RGS22: variants seen among roughly 807,000 people sequenced by gnomAD.
RGS22 encodes the protein regulator of G-protein signaling 22.
In RGS22, 148 loss-of-function variants were observed where a neutral mutation model predicts 172.9. That is an observed-to-expected ratio of 0.86 (90% confidence interval 0.75 to 0.98). RGS22 has a LOEUF of 0.98. Among genes scored for constraint, RGS22 ranks in the 50% least tolerant of loss-of-function variants. The pLI is 0.00. For missense variants in RGS22, 1,347 were observed against 1,440.8 expected (o/e 0.93, Z 1.05); for synonymous variants, 458 against 480.2 (o/e 0.95, Z 0.60).
At position 99,971,843 on chromosome 8, in the gene RGS22, C is replaced by G. The variant is rs1490584058; in HGVS notation, c.3519+6074G>C. Reference sequence around the variant, plus strand: ...TACTGCCCAAAGTAATTTATAGATTCAATTCTATTCCCATCAAGCTACCAT... The same window carrying G: ...TACTGCCCAAAGTAATTTATAGATTGAATTCTATTCCCATCAAGCTACCAT... On this transcript the variant is annotated intron_variant, in intron 23 of 27. Coordinates refer to ENST00000360863, the MANE Select transcript of RGS22 (RefSeq NM_015668.5). 2.0e-5 allele frequency among the ~76,000 whole-genome samples: 3 copies of G among 152,050 alleles called. No homozygotes were observed. The East Asian group carries it at 5.8e-4, about 29-fold the overall frequency.
At position 100,080,272 on chromosome 8, in the gene RGS22, T is replaced by G; in HGVS notation, c.201A>C (p.Gln67His). 6.2e-7 allele frequency: 1 copy of G among 1,613,970 alleles called. No homozygotes were observed. The highest frequency in any genetic ancestry group is 8.5e-7 in the Non-Finnish European group (1 of 1,179,876). The change falls in exon 4 of 28, where the codon CAA (glutamine) becomes CAC (histidine). Residue 67 changes from glutamine (Q) to histidine (H), a missense_variant. Transcript: ENST00000360863. ...ANDAPQFLEK[Q>H]LKKILQNQQP... Reference sequence around the variant, plus strand: ...GCTGGTTTTGTAGAATTTTTTTCAGTTGTTTTTCCAGAAATTGTGGAGCAT... The same window carrying G: ...GCTGGTTTTGTAGAATTTTTTTCAGGTGTTTTTCCAGAAATTGTGGAGCAT...
chr8:100,095,815 A>G (rs1438599205), intron 2 of RGS22, among the ~76,000 whole-genome samples: 1 of 152,236 alleles, frequency 6.6e-6, no homozygotes, highest in African/African-American at 2.4e-5. Context: ...GGTATTATCA[A>G]ATACATCAAA....
chr8:100,035,495 C>G (rs1819345735), intron 14 of RGS22, among the ~76,000 whole-genome samples: 1 of 152,162 alleles, frequency 6.6e-6, no homozygotes, highest in Non-Finnish European at 1.5e-5. Context: ...AATAGAAATG[C>G]TTTTACACTG....
At chr8:100,079,538 T>A (rs1197628871) in intron 4 of RGS22, among the ~76,000 whole-genome samples, 1 of 152,164 alleles carries the variant, frequency 6.6e-6, no homozygotes, top group Admixed American at 6.5e-5. Context: ...TCATTATTAT[T>A]TTCATTTCAT....
intron 14 of RGS22, among the ~76,000 whole-genome samples, chr8:100,020,275 G>A (rs1345505745): frequency 6.6e-6 from 1 of 151,992 alleles, no homozygotes; most frequent in Non-Finnish European, 1.5e-5. Context: ...CAGCCGCTAG[G>A]AAAAAGAGAT....
In RGS22 at chr8:100,016,978, CTTTTT is replaced by C. The variant is rs71274949; in HGVS notation, c.2167-8414_2167-8410del. On this transcript the variant is annotated intron_variant, in intron 14 of 27. Coordinates refer to ENST00000360863, the MANE Select transcript of RGS22 (RefSeq NM_015668.5). Reference sequence around the variant, plus strand: ...CCTACATCCCTGATTCCTTACCAGTCTTTTTTTTTTTTTTTTTTTTTTTTTTTTTT... The same window carrying C: ...CCTACATCCCTGATTCCTTACCAGTCTTTTTTTTTTTTTTTTTTTTTTTTT... Among the ~76,000 whole-genome samples the C allele has an allele frequency of 5.5e-3, 197 of 36,074 alleles. 1 individual carries two copies. The highest frequency in any genetic ancestry group is 0.011 in the African/African-American group (129 of 11,324). The allele number at this position is 36,074 out of a possible 152,430, so 23.7% of individuals were successfully genotyped here. A position where few individuals can be genotyped will look rare whatever the true frequency, so the allele number is the denominator to read the frequency against.
chr8:100,071,925 G>C (rs1021944170), intron 5 of RGS22, among the ~76,000 whole-genome samples: 1 of 152,148 alleles, frequency 6.6e-6, no homozygotes, highest in Non-Finnish European at 1.5e-5. Flanking sequence ...TGGCTGGTTG[G>C]AGAGGCTCAC....
chr8:99,978,068 A>T lies in RGS22; in HGVS notation c.3368T>A (p.Ile1123Asn). ...PYVFREAQMTIFGVLFKFWPQ... is the reference protein window; with the variant it reads ...PYVFREAQMTNFGVLFKFWPQ... Reference sequence around the variant, plus strand: ...CCAGAATTTAAACAGAACCCCAAAAATTGTCATCTGTATAAAAAAAAGTCT... The same window carrying T: ...CCAGAATTTAAACAGAACCCCAAAATTTGTCATCTGTATAAAAAAAAGTCT... Residue 1123 changes from isoleucine to asparagine, a missense_variant, in exon 23 of 28, where the codon ATT (isoleucine) becomes AAT (asparagine). Coordinates refer to ENST00000360863, the MANE Select transcript of RGS22 (RefSeq NM_015668.5). 6.6e-7 allele frequency: 1 copy of T among 1,510,904 alleles called. No individual in the cohort carries two copies. The highest frequency in any genetic ancestry group is 8.8e-7 in the Non-Finnish European group (1 of 1,139,910). The allele number at this position is 1,510,904 out of a possible 1,614,324, so 93.6% of individuals were successfully genotyped here. A position where few individuals can be genotyped will look rare whatever the true frequency, so the allele number is the denominator to read the frequency against.
chr8:100,010,120 T>C (rs1454457098), intron 14 of RGS22, among the ~76,000 whole-genome samples: 2 of 152,172 alleles, frequency 1.3e-5, no homozygotes, highest in Non-Finnish European at 2.9e-5. Flanking sequence ...CCATTGCACA[T>C]ATTGTTCCTT....
chr8:100,072,515 A>C (rs1811062752), intron 4 of RGS22, among the ~76,000 whole-genome samples: 1 of 152,182 alleles, frequency 6.6e-6, no homozygotes, highest in South Asian at 2.1e-4. Context: ...AACTTGTTGA[A>C]GGAGGGAGAA....
At position 99,962,261 on chromosome 8, in the gene RGS22, C is replaced by T. The variant is rs149613483; in HGVS notation, c.*45+133G>A. The T allele has an allele frequency of 4.4e-5, 27 of 618,350 alleles. 1 individual carries two copies. The highest frequency in any genetic ancestry group is 5.1e-4 in the Middle Eastern group (2 of 3,890). 38.3% of individuals were successfully genotyped at this position (618,350 alleles called of 1,614,324 possible). A position where few individuals can be genotyped will look rare whatever the true frequency, so the allele number is the denominator to read the frequency against. ...TGCCATTCAAAAGGGAGGCAAGGCTCTCCTCCCCATCGACTTATTAGTGGG... is the reference window on the plus strand; with the variant it reads ...TGCCATTCAAAAGGGAGGCAAGGCTTTCCTCCCCATCGACTTATTAGTGGG... On this transcript the variant is annotated intron_variant, in intron 27 of 27. Transcript: ENST00000360863.
At chr8:99,967,743 T>C (rs1287755918) in intron 23 of RGS22, among the ~76,000 whole-genome samples, 1 of 152,198 alleles carries the variant, frequency 6.6e-6, no homozygotes, top group African/African-American at 2.4e-5. Flanking sequence ...CAGGGGCTTA[T>C]AGATCAAACT....
chr8:100,071,474 T>C lies in RGS22; in HGVS notation c.489A>G (p.Ser163=). 6.2e-7 allele frequency: 1 copy of C among 1,613,172 alleles called. No individual in the cohort carries two copies. Among genetic ancestry groups the C allele is most frequent in the Non-Finnish European group, 8.5e-7 (1 of 1,179,414 alleles). The part of the protein sequence containing the change: ...SKSGMNFTVG[S]NFSPWIVKKP... ...TTTTCACGATCCAGGGAGAAAAATTTGATCCTACTGTGAAATTCATGCCGG... is the reference window on the plus strand; with the variant it reads ...TTTTCACGATCCAGGGAGAAAAATTCGATCCTACTGTGAAATTCATGCCGG... The change falls in exon 6 of 28, where the codon TCA becomes TCG. Residue 163 remains serine, a synonymous_variant. Transcript: ENST00000360863.
chr8:100,002,276 T>C lies in RGS22; in HGVS notation c.2716A>G (p.Ile906Val), dbSNP rs1488285115. Residue 906 changes from isoleucine (I) to valine (V), a missense_variant, in exon 18 of 28, where the codon ATT (isoleucine) becomes GTT (valine). Ile to Val is a conservative substitution (Grantham distance 29). Transcript: ENST00000360863. ...TTTTTATTAAGGTATTTGTTTTTAATGTATATAGATTTTGCCTTCCTTTGA... is the reference window on the plus strand; with the variant it reads ...TTTTTATTAAGGTATTTGTTTTTAACGTATATAGATTTTGCCTTCCTTTGA... ...RNQRKAKSIYIKNKYLNKKYF... is the reference protein window; with the variant it reads ...RNQRKAKSIYVKNKYLNKKYF... The C allele has an allele frequency of 1.9e-6, 3 of 1,611,494 alleles. No individual in the cohort carries two copies. Among genetic ancestry groups the C allele is most frequent in the South Asian group, 1.1e-5 (1 of 90,624 alleles).
At chr8:100,061,909 A>C (rs1158072781) in intron 9 of RGS22, among the ~76,000 whole-genome samples, 1 of 152,250 alleles carries the variant, frequency 6.6e-6, no homozygotes, top group Non-Finnish European at 1.5e-5. Flanking sequence ...AATGCCCATC[A>C]GTGATAGACT....
At chr8:100,082,279 A>T (rs1276002825) in intron 3 of RGS22, among the ~76,000 whole-genome samples, 1 of 151,902 alleles carries the variant, frequency 6.6e-6, no homozygotes, top group Non-Finnish European at 1.5e-5. Flanking sequence ...TACATGGGTA[A>T]ATTGCATGTT....
chr8:100,005,114 C>T (rs1815548635), intron 16 of RGS22, among the ~76,000 whole-genome samples: 4 of 152,010 alleles, frequency 2.6e-5, no homozygotes, highest in Admixed American at 1.3e-4. Flanking sequence ...AACCTTATAT[C>T]TTGCTACCTT....
At chr8:100,091,135 G>A (rs1812545038) in intron 3 of RGS22, among the ~76,000 whole-genome samples, 1 of 152,028 alleles carries the variant, frequency 6.6e-6, no homozygotes, top group Non-Finnish European at 1.5e-5. Context: ...AATTTTGCCA[G>A]ACACTTAGTT....
intron 14 of RGS22, among the ~76,000 whole-genome samples, chr8:100,018,663 G>A (rs1817274912): frequency 6.6e-6 from 1 of 152,126 alleles, no homozygotes; most frequent in African/African-American, 2.4e-5. Context: ...TACCTGCATT[G>A]TACTATTAAT....
Sources: allele counts gnomAD v4.1 joint callset (sites outside exome capture counted in the v4.1 genomes callset), GRCh38; gene constraint gnomAD v4.1.1; transcripts MANE v1.5; gene names NCBI Gene and HGNC (gene_info 2026-07-23, HGNC 2026-07-21).